The following SLC4A7 variants were observed in gnomAD, a reference collection of about 807,000 sequenced individuals.
SLC4A7 encodes the protein solute carrier family 4 member 7.
SLC4A7 carries 51 observed loss-of-function variants against 137.6 expected under a neutral mutation model. The observed-to-expected ratio is 0.37, with a 90% confidence interval of 0.30 to 0.47. The LOEUF (loss-of-function observed/expected upper bound fraction) is 0.47, where lower values mean the gene tolerates loss of function less well. SLC4A7 is among the 20% of genes least tolerant of loss of function. SLC4A7 has a pLI of 1.00. For missense variants in SLC4A7, 1,247 were observed against 1,525.4 expected, an observed-to-expected ratio of 0.82 and a Z score of 3.04; for synonymous variants, 542 against 518.6, an observed-to-expected ratio of 1.05 and a Z score of -0.61.
intron 16 of SLC4A7, among the ~76,000 whole-genome samples, chr3:27,399,741 ATC>A (rs1344122781): frequency 2.1e-3 from 316 of 152,292 alleles, no homozygotes; most frequent in Non-Finnish European, 3.4e-3. Flanking sequence ...ACTGCTTTAA[ATC>A]AGCACTGCCC....
At chr3:27,379,793 TG>T (rs1273851443) in intron 24 of SLC4A7, among the ~76,000 whole-genome samples, 1 of 152,220 alleles carries the variant, frequency 6.6e-6, no homozygotes, top group African/African-American at 2.4e-5. Flanking sequence ...ACTCAAAGTA[TG>T]TAAGGAAAAC....
At position 27,452,515 on chromosome 3, in the gene SLC4A7, C is replaced by T; in HGVS notation, c.61-17G>A. On this transcript the variant is annotated splice_polypyrimidine_tract_variant and intron_variant, in intron 1 of 25. Coordinates refer to ENST00000454389, the MANE Select transcript of SLC4A7 (RefSeq NM_001321103.2). ...ATCAGGACCCTAAAAACAAATTATT[C>T]TCATTGACTCATGAGATCACAATCT... The T allele has an allele frequency of 6.4e-7, 1 of 1,562,044 alleles. No individual in the cohort carries two copies. Among genetic ancestry groups the T allele is most frequent in the Non-Finnish European group, 8.7e-7 (1 of 1,147,132 alleles).
In SLC4A7 at chr3:27,375,706, T is replaced by C. The variant is rs532765724; in HGVS notation, c.*1058A>G. On this transcript the variant is annotated 3_prime_UTR_variant, in exon 26 of 26. Transcript: ENST00000454389. ...GTTTATATAATATTTAAGCATCATA[T>C]CAAAATAAATATTTTAAAATAAAAT... is the stretch of plus-strand genomic sequence containing the variant. 1 of 152,466 alleles carries C rather than the reference T, an allele frequency of 6.6e-6. No individual in the cohort carries two copies. The highest frequency in any genetic ancestry group is 2.4e-5 in the African/African-American group (1 of 41,552). The allele number at this position is 152,466 out of a possible 1,614,324, so 9.4% of individuals were successfully genotyped here. A position where few individuals can be genotyped will look rare whatever the true frequency, so the allele number is the denominator to read the frequency against.
chr3:27,479,178 G>A (rs2059605879), intron 1 of SLC4A7, among the ~76,000 whole-genome samples: 1 of 152,214 alleles, frequency 6.6e-6, no homozygotes, highest in Non-Finnish European at 1.5e-5. Context: ...ACTTTGGGGG[G>A]CAGAGGAGGG....
rs746026207 is a variant in SLC4A7, at chr3:27,448,744, G to A, written c.196C>T (p.Arg66Trp). 4.3e-6 allele frequency: 7 copies of A among 1,612,856 alleles called. No homozygotes were observed. Among genetic ancestry groups the A allele is most frequent in the Admixed American group, 1.7e-5 (1 of 59,894 alleles). ...VHVPFSKESR[R>W]RHRHRGHKHH... ...TTGTGTCCGCGATGCCTATGACGCCGACGACTCTCTTTACTAAACGGGACG... is the reference window on the plus strand; with the variant it reads ...TTGTGTCCGCGATGCCTATGACGCCAACGACTCTCTTTACTAAACGGGACG... Residue 66 changes from arginine to tryptophan, a missense_variant, in exon 3 of 26, where the codon CGG (arginine) becomes TGG (tryptophan). Around this residue, in one of 6 missense-constraint regions of SLC4A7, gnomAD observed 176 missense variants for 186.4 expected, o/e 0.94. Coordinates refer to ENST00000454389, the MANE Select transcript of SLC4A7 (RefSeq NM_001321103.2).
intron 22 of SLC4A7, among the ~76,000 whole-genome samples, chr3:27,389,064 T>C (rs1298410990): frequency 2.6e-5 from 4 of 152,130 alleles, no homozygotes; most frequent in Non-Finnish European, 4.4e-5. Context: ...CTTCTTTACA[T>C]GTGCTTGGGA....
chr3:27,382,109 T>C (rs2050481537), intron 24 of SLC4A7, among the ~76,000 whole-genome samples: 1 of 151,994 alleles, frequency 6.6e-6, no homozygotes, highest in Non-Finnish European at 1.5e-5. Flanking sequence ...TGTACACAAA[T>C]GTAAGTTGTT....
At chr3:27,431,725 A>G in intron 6 of SLC4A7, 56 bp from the exon 7 acceptor site, 1 of 1,458,864 alleles carries the variant, frequency 6.9e-7, no homozygotes, top group Non-Finnish European at 9.1e-7. Flanking sequence ...AGGCAAATAG[A>G]GACATTTAAA....
chr3:27,471,650 G>A (rs1389903151), intron 1 of SLC4A7, among the ~76,000 whole-genome samples: 1 of 152,158 alleles, frequency 6.6e-6, no homozygotes, highest in Non-Finnish European at 1.5e-5. Context: ...GAGATTACAG[G>A]CGTGAGCCAC....
chr3:27,463,150 G>A (rs1039649335), intron 1 of SLC4A7, among the ~76,000 whole-genome samples: 4 of 152,180 alleles, frequency 2.6e-5, no homozygotes, highest in Non-Finnish European at 5.9e-5. Flanking sequence ...AGTTAGGGCC[G>A]GGCGCGGTGG....
At chr3:27,380,784 C>G (rs62257188) in intron 24 of SLC4A7, among the ~76,000 whole-genome samples, 17,923 of 152,174 alleles carry the variant, frequency 0.12, 1,029 homozygotes, top group Middle Eastern at 0.19. Context: ...ATCTGAATAC[C>G]CAAGTTTATA....
intron 2 of SLC4A7, 54 bp downstream of exon 2, chr3:27,452,363 A>G (rs2058130821): frequency 5.2e-6 from 6 of 1,164,014 alleles, no homozygotes; most frequent in Non-Finnish European, 7.4e-6. Flanking sequence ...ACTTAAAAAC[A>G]TTAATTAGTA....
chr3:27,469,161 C>A (rs1291103718), intron 1 of SLC4A7, among the ~76,000 whole-genome samples: 1 of 151,962 alleles, frequency 6.6e-6, no homozygotes, highest in Non-Finnish European at 1.5e-5. Flanking sequence ...TTGGAAAAAA[C>A]TCAAATCATT....
At chr3:27,482,935 G>C (rs2150773724) in intron 1 of SLC4A7, among the ~76,000 whole-genome samples, 1 of 152,282 alleles carries the variant, frequency 6.6e-6, no homozygotes, top group Middle Eastern at 3.4e-3. Context: ...CTGAACTAAT[G>C]AATGACTACT....
rs192671498 is a variant in SLC4A7, at chr3:27,395,288, C to T, written c.2704-173G>A. Among the ~76,000 whole-genome samples the T allele has an allele frequency of 1.4e-4, 22 of 152,276 alleles. No individual in the cohort carries two copies. In the East Asian group the frequency reaches 4.1e-3, roughly 28 times the overall value. On this transcript the variant is annotated intron_variant, in intron 18 of 25. Transcript: ENST00000454389. ...ATGGCCACAGTAATTCTTCCTATCCCTATAACTATACCTCCTGTCATTTGA... is the reference window on the plus strand; with the variant it reads ...ATGGCCACAGTAATTCTTCCTATCCTTATAACTATACCTCCTGTCATTTGA...
intron 12 of SLC4A7, 109 bp from the exon 13 acceptor site, chr3:27,409,639 C>T (rs1456546648): frequency 1.4e-6 from 1 of 733,220 alleles, no homozygotes; most frequent in Non-Finnish European, 2.2e-6. Context: ...GTTTTGTCAA[C>T]AAAATGTTAA....
At chr3:27,428,881 ATATT>A (rs1324962425) in intron 7 of SLC4A7, among the ~76,000 whole-genome samples, 2 of 152,172 alleles carry the variant, frequency 1.3e-5, no homozygotes, top group Non-Finnish European at 2.9e-5. Flanking sequence ...TTACTAAAAT[ATATT>A]TATTTTATAT....
intron 1 of SLC4A7, among the ~76,000 whole-genome samples, chr3:27,453,511 G>A (rs955253609): frequency 6.6e-6 from 1 of 152,186 alleles, no homozygotes; most frequent in African/African-American, 2.4e-5. Flanking sequence ...TACTCAGGAG[G>A]CTGAGGCAGG....
chr3:27,408,899 A>T (rs550666367), intron 13 of SLC4A7, among the ~76,000 whole-genome samples: 3 of 152,346 alleles, frequency 2.0e-5, no homozygotes, highest in African/African-American at 7.2e-5. Context: ...ATTATGTTCT[A>T]TTCTTCCAGT....
Sources: allele counts gnomAD v4.1 joint callset (sites outside exome capture counted in the v4.1 genomes callset), GRCh38; gene constraint gnomAD v4.1.1; regional missense constraint gnomAD v4.1.1; transcripts MANE v1.5; gene names NCBI Gene and HGNC (gene_info 2026-07-23, HGNC 2026-07-21).